Variants in GARRE1 observed in about 807,000 individuals in gnomAD.
The protein encoded by GARRE1 is granule associated Rac and RHOG effector 1.
Under a neutral mutation model 103.2 loss-of-function variants are expected in GARRE1, and 49 were observed. The ratio of observed to expected loss-of-function variants is 0.47; its 90% CI spans 0.38 to 0.60. The LOEUF is 0.60. Among genes scored for constraint, GARRE1 ranks in the 20% least tolerant of loss-of-function variants. GARRE1 has a pLI of 0.00. For missense variants in GARRE1, 1,199 were observed against 1,370.5 expected (o/e 0.87, Z 1.98); for synonymous variants, 505 against 532.8 (o/e 0.95, Z 0.72).
intron 7 of GARRE1, among the ~76,000 whole-genome samples, chr19:34,330,980 A>G (rs1326474900): frequency 2.0e-5 from 3 of 149,364 alleles, no homozygotes; most frequent in African/African-American, 7.4e-5. Context: ...GCTCACCACA[A>G]CCTCTGCCTC....
At chr19:34,303,639 G>A (rs772695707) in intron 2 of GARRE1, among the ~76,000 whole-genome samples, 2 of 152,128 alleles carry the variant, frequency 1.3e-5, no homozygotes, top group Admixed American at 1.3e-4. Flanking sequence ...GTTTTGAGAC[G>A]AAGTTTCATC....
intron 1 of GARRE1, among the ~76,000 whole-genome samples, chr19:34,274,730 T>C (rs2073806970): frequency 1.3e-5 from 2 of 151,760 alleles, no homozygotes; most frequent in South Asian, 2.1e-4. Flanking sequence ...AGAGGAGGAG[T>C]AGCTCAAAGG....
chr19:34,293,056 A>G (rs942032787), intron 1 of GARRE1, among the ~76,000 whole-genome samples: 1 of 152,160 alleles, frequency 6.6e-6, no homozygotes, highest in African/African-American at 2.4e-5. Flanking sequence ...ATGTTTCCAC[A>G]TCTTCATCAA....
intron 2 of GARRE1, among the ~76,000 whole-genome samples, chr19:34,313,010 G>A (rs868867341): frequency 1.2e-4 from 18 of 152,158 alleles, no homozygotes; most frequent in African/African-American, 3.9e-4. Flanking sequence ...TATGACATGC[G>A]CACCTGGGTC....
chr19:34,280,257 A>G (rs1243730504), intron 1 of GARRE1, among the ~76,000 whole-genome samples: 2 of 152,180 alleles, frequency 1.3e-5, no homozygotes, highest in Non-Finnish European at 2.9e-5. Context: ...CACCTCCAAC[A>G]TTGGGAATTA....
intron 1 of GARRE1, among the ~76,000 whole-genome samples, chr19:34,265,840 G>A (rs1450718706): frequency 1.3e-5 from 2 of 152,164 alleles, no homozygotes; most frequent in Non-Finnish European, 2.9e-5. Context: ...CAGCAGTACT[G>A]AGGCACAAGA....
At chr19:34,301,513 C>CAAAAAAA (rs57777660) in intron 2 of GARRE1, among the ~76,000 whole-genome samples, 6 of 85,386 alleles carry the variant, frequency 7.0e-5, no homozygotes, top group East Asian at 5.2e-4. Context: ...GACCATGTCT[C>CAAAAAAA]AAAAAAAAAA....
rs930530865 is a variant in GARRE1, at chr19:34,323,807, G to A, written c.706-3614G>A. Among the ~76,000 whole-genome samples, 6 of 152,144 alleles carry A rather than the reference G, an allele frequency of 3.9e-5. No individual in the cohort carries two copies. The South Asian group carries it at 6.2e-4, about 16-fold the overall frequency. ...GACCAGCCCACAGGAGGAGGCCTCC[G>A]AGTTCTCTCTTGACGTCTTCACCTT... On this transcript the variant is annotated intron_variant, in intron 3 of 13. Transcript: ENST00000299505.
intron 1 of GARRE1, among the ~76,000 whole-genome samples, chr19:34,269,029 C>T (rs1282959387): frequency 6.6e-6 from 1 of 152,106 alleles, no homozygotes; most frequent in Non-Finnish European, 1.5e-5. Context: ...TTTAAAACCT[C>T]TGTTATTTTG....
chr19:34,280,181 A>C (rs897251778), intron 1 of GARRE1, among the ~76,000 whole-genome samples: 73 of 152,042 alleles, frequency 4.8e-4, no homozygotes, highest in African/African-American at 1.7e-3. Flanking sequence ...TCTCATGAGA[A>C]CCCACTCACT....
At chr19:34,322,021 G>A (rs34146110) in intron 3 of GARRE1, among the ~76,000 whole-genome samples, 10,072 of 152,138 alleles carry the variant, frequency 0.066, 475 homozygotes, top group East Asian at 0.17. Flanking sequence ...TCCGGTGGGG[G>A]GATTCTAGCC....
At chr19:34,288,314 C>A (rs1310065330) in intron 1 of GARRE1, among the ~76,000 whole-genome samples, 1 of 152,138 alleles carries the variant, frequency 6.6e-6, no homozygotes. Context: ...CTAAAGTTTC[C>A]TTTCCTCAAT....
At chr19:34,257,839 T>A in intron 1 of GARRE1, among the ~76,000 whole-genome samples, 1 of 152,150 alleles carries the variant, frequency 6.6e-6, no homozygotes, top group African/African-American at 2.4e-5. Flanking sequence ...CTATTCTTTC[T>A]TGCTCTCGTG....
Position 34,330,305 on chromosome 19 carries a change from C to T in GARRE1, c.1221C>T (p.Ala407=). 2.5e-6 allele frequency: 4 copies of T among 1,614,200 alleles called. No homozygotes were observed. The highest frequency in any genetic ancestry group is 3.4e-6 in the Non-Finnish European group (4 of 1,180,036). ...NQVCPSTWRG[A]CKTAVQLLFG... ...TTTGCCCTTCCACATGGCGAGGTGC[C>T]TGCAAGACGGCGGTGCAGCTGCTGT... Residue 407 remains alanine (A), a synonymous_variant, in exon 7 of 14, where the codon GCC becomes GCT. Coordinates refer to ENST00000299505, the MANE Select transcript of GARRE1 (RefSeq NM_014686.5).
intron 1 of GARRE1, among the ~76,000 whole-genome samples, chr19:34,265,814 T>G (rs1204546873): frequency 6.6e-6 from 1 of 152,126 alleles, no homozygotes; most frequent in East Asian, 1.9e-4. Flanking sequence ...AGGCTGTGCT[T>G]TATGGATTTA....
At chr19:34,351,947 G>C (rs2074239500) in intron 13 of GARRE1, among the ~76,000 whole-genome samples, 1 of 152,014 alleles carries the variant, frequency 6.6e-6, no homozygotes, top group African/African-American at 2.4e-5. Context: ...AAAATTAAAA[G>C]ATCAGCTAGG....
intron 1 of GARRE1, among the ~76,000 whole-genome samples, chr19:34,275,647 T>G (rs2073812711): frequency 6.6e-6 from 1 of 152,246 alleles, no homozygotes; most frequent in Non-Finnish European, 1.5e-5. Flanking sequence ...TTGAGTTGTT[T>G]CCAGTTTTTG....
At chr19:34,272,269 A>G (rs2073792484) in intron 1 of GARRE1, among the ~76,000 whole-genome samples, 1 of 152,186 alleles carries the variant, frequency 6.6e-6, no homozygotes, top group African/African-American at 2.4e-5. Flanking sequence ...GCTGGAGTGC[A>G]GTGATGCAAT....
chr19:34,342,011 T>G lies in GARRE1; in HGVS notation c.2077T>G (p.Ser693Ala). The stretch of plus-strand genomic sequence containing the variant: ...AGGAGCCATGCAACCACAGCAGCCG[T>G]CACTGCCTGTGCCCCCTCCACCACG... ...KAGAMQPQQPSLPVPPPPRAP... is the reference protein window; with the variant it reads ...KAGAMQPQQPALPVPPPPRAP... The change falls in exon 10 of 14, where the codon TCA becomes GCA. Residue 693 changes from serine (S) to alanine (A), a missense_variant. Physicochemically the swap from Ser to Ala is moderately conservative, Grantham distance 99. Transcript: ENST00000299505. 1 of 1,614,058 alleles carries G rather than the reference T, an allele frequency of 6.2e-7. No individual in the cohort carries two copies. Among genetic ancestry groups the G allele is most frequent in the Non-Finnish European group, 8.5e-7 (1 of 1,179,988 alleles).
Sources: allele counts gnomAD v4.1 joint callset (sites outside exome capture counted in the v4.1 genomes callset), GRCh38; gene constraint gnomAD v4.1.1; transcripts MANE v1.5; gene names NCBI Gene and HGNC (gene_info 2026-07-23, HGNC 2026-07-21).